Variants in RPL27A observed in about 807,000 individuals in gnomAD.
The protein encoded by RPL27A is ribosomal protein L27a.
For missense variants in RPL27A, 118 were observed against 189.4 expected (o/e 0.62, Z 2.21); for synonymous variants, 69 against 68.3 (o/e 1.01, Z -0.05).
rs2039608997 is a variant in RPL27A at position 8,688,677 on chromosome 11, A to C, written c.*2871A>C. 6.6e-6 allele frequency: 1 copy of C among 152,240 alleles called. No individual in the cohort carries two copies. Among genetic ancestry groups the C allele is most frequent in the Non-Finnish European group, 1.5e-5 (1 of 68,056 alleles). The allele number at this position is 152,240 out of a possible 1,614,324, so 9.4% of individuals were successfully genotyped here. ...TTCAAACGTGGGAGCTGCAGGTGCA[A>C]CTTGATTTTATGACAAATGGCTGCC... On this transcript the variant is annotated 3_prime_UTR_variant, in exon 5 of 5. Coordinates refer to ENST00000314138, the MANE Select transcript of RPL27A (RefSeq NM_000990.5).
chr11:8,682,963 C>T, intron 1 of RPL27A, 147 bp downstream of exon 1: 1 of 1,157,824 alleles, frequency 8.6e-7, no homozygotes, highest in Non-Finnish European at 1.2e-6. Flanking sequence ...CCGGCGCGGG[C>T]CCGGGGCGGG....
At chr11:8,685,342 C>A in intron 4 of RPL27A, 2 of 543,354 alleles carry the variant, frequency 3.7e-6, no homozygotes, top group South Asian at 1.4e-5. Context: ...CACTTCCCAG[C>A]CTATTTAATG....
rs2039523862 is a variant in RPL27A, at chr11:8,683,203, C to G, written c.5C>G (p.Pro2Arg). 1 of 1,614,230 alleles carries G rather than the reference C, an allele frequency of 6.2e-7. No homozygotes were observed. Among genetic ancestry groups the G allele is most frequent in the Non-Finnish European group, 8.5e-7 (1 of 1,180,020 alleles). ...TACCACCAAGCTTTTTCCACACAGC[C>G]ATCCAGACTGAGGAAGACCCGGAAA... MPSRLRKTRKLR... is the reference protein window; with the variant it reads MRSRLRKTRKLR... The change falls in exon 2 of 5, where the codon CCA (proline) becomes CGA (arginine). Residue 2 changes from proline to arginine, a missense_variant and splice_region_variant. Physicochemically the swap from Pro to Arg is moderately radical, Grantham distance 103. Coordinates refer to ENST00000314138, the MANE Select transcript of RPL27A (RefSeq NM_000990.5).
rs2039614998 is a variant in RPL27A, at chr11:8,689,118, T to G, written c.*3312T>G. 1 of 152,322 alleles carries G rather than the reference T, an allele frequency of 6.6e-6. No homozygotes were observed. The highest frequency in any genetic ancestry group is 6.5e-5 in the Admixed American group (1 of 15,296). 9.4% of individuals were successfully genotyped at this position (152,322 alleles called of 1,614,324 possible). ...GGTGCGCGAGCGCAGATAACTCCCCTGGAGAGGCGGGATGTTCAACTCCAC... is the reference window on the plus strand; with the variant it reads ...GGTGCGCGAGCGCAGATAACTCCCCGGGAGAGGCGGGATGTTCAACTCCAC... On this transcript the variant is annotated 3_prime_UTR_variant, in exon 5 of 5. Transcript: ENST00000314138.
chr11:8,684,144 G>T, intron 3 of RPL27A, 63 bp downstream of exon 3: 1 of 1,394,102 alleles, frequency 7.2e-7, no homozygotes. Context: ...GAGAGGGCTG[G>T]CTTAAACAAA....
chr11:8,685,370 G>A (rs2039576344), intron 4 of RPL27A: 1 of 580,846 alleles, frequency 1.7e-6, no homozygotes, highest in African/African-American at 1.8e-5. Flanking sequence ...AGTAGTTCTG[G>A]TGGTCAGGAA....
At chr11:8,684,169 G>T in intron 3 of RPL27A, 88 bp downstream of exon 3, 3 of 1,092,670 alleles carry the variant, frequency 2.7e-6, no homozygotes, top group Non-Finnish European at 4.2e-6. Context: ...TTAGAAGCAA[G>T]CCTTGCCTAT....
rs1454132402 is a variant in RPL27A, at chr11:8,688,322, G to A, written c.*2516G>A. The A allele has an allele frequency of 2.6e-5, 4 of 152,188 alleles. No homozygotes were observed. Among genetic ancestry groups the A allele is most frequent in the Non-Finnish European group, 4.4e-5 (3 of 68,034 alleles). The allele number at this position is 152,188 out of a possible 1,614,324, so 9.4% of individuals were successfully genotyped here. A position where few individuals can be genotyped will look rare whatever the true frequency, so the allele number is the denominator to read the frequency against. ...TTAATGGCTACCTTCTTCCCCAGGAGTTGTTAGGCCATCCGATCCCCTGGC... is the reference window on the plus strand; with the variant it reads ...TTAATGGCTACCTTCTTCCCCAGGAATTGTTAGGCCATCCGATCCCCTGGC... On this transcript the variant is annotated 3_prime_UTR_variant, in exon 5 of 5. Transcript: ENST00000314138.
rs750003937 is a variant in RPL27A, at chr11:8,683,304, T to A, written c.67+39T>A. 4 of 1,579,614 alleles carry A rather than the reference T, an allele frequency of 2.5e-6. No individual in the cohort carries two copies. The South Asian group carries it at 4.4e-5, about 17-fold the overall frequency. On this transcript the variant is annotated intron_variant, in intron 2 of 4. Transcript: ENST00000314138. Reference sequence around the variant, plus strand: ...TCCCCTCGGGGTGGGCCTTGGGCTCTCTTCGGGTGCTTAGCTAGTCTGGAG... The same window carrying A: ...TCCCCTCGGGGTGGGCCTTGGGCTCACTTCGGGTGCTTAGCTAGTCTGGAG...
rs1424498996 is a variant in RPL27A, at chr11:8,687,329, T to C, written c.*1523T>C. 2 of 148,752 alleles carry C rather than the reference T, an allele frequency of 1.3e-5. No individual in the cohort carries two copies. The highest frequency in any genetic ancestry group is 5.0e-5 in the African/African-American group (2 of 40,272). The allele number at this position is 148,752 out of a possible 1,614,324, so 9.2% of individuals were successfully genotyped here. A position where few individuals can be genotyped will look rare whatever the true frequency, so the allele number is the denominator to read the frequency against. On this transcript the variant is annotated 3_prime_UTR_variant, in exon 5 of 5. Coordinates refer to ENST00000314138, the MANE Select transcript of RPL27A (RefSeq NM_000990.5). Reference sequence around the variant, plus strand: ...CAGGAGAATCTCCAGGAGGCGGAGGTTGCTGTGAGCCGAGATCGTGCCATT... The same window carrying C: ...CAGGAGAATCTCCAGGAGGCGGAGGCTGCTGTGAGCCGAGATCGTGCCATT...
At position 8,682,792 on chromosome 11, in the gene RPL27A, C is replaced by T. The variant is rs201805042; in HGVS notation, c.-22C>T. 4.1e-4 allele frequency: 665 copies of T among 1,613,516 alleles called. No individual in the cohort carries two copies. The highest frequency in any genetic ancestry group is 6.6e-4 in the Middle Eastern group (4 of 6,056). ...CTCGCGAGACTTGGCGAAGGCCTTC[C>T]TTTTTCGTCTGGGCTGCCAACATGG... is the stretch of plus-strand genomic sequence containing the variant. On this transcript the variant is annotated 5_prime_UTR_variant, in exon 1 of 5. Transcript: ENST00000314138.
rs916390346 is a variant in RPL27A at position 8,688,529 on chromosome 11, G to T, written c.*2723G>T. The stretch of plus-strand genomic sequence containing the variant: ...ACTAAAATATTTTCATGACTGCCAA[G>T]CTTTGAATAGCCTGCTGTGTTCATG... On this transcript the variant is annotated 3_prime_UTR_variant, in exon 5 of 5. Coordinates refer to ENST00000314138, the MANE Select transcript of RPL27A (RefSeq NM_000990.5). 6.6e-6 allele frequency: 1 copy of T among 152,218 alleles called. No homozygotes were observed. Among genetic ancestry groups the T allele is most frequent in the African/African-American group, 2.4e-5 (1 of 41,444 alleles). The allele number at this position is 152,218 out of a possible 1,614,324, so 9.4% of individuals were successfully genotyped here.
Position 8,688,301 on chromosome 11 carries a change from T to C in RPL27A, c.*2495T>C, listed in dbSNP as rs1392505065. The C allele has an allele frequency of 6.6e-6, 1 of 152,198 alleles. No homozygotes were observed. Among genetic ancestry groups the C allele is most frequent in the African/African-American group, 2.4e-5 (1 of 41,440 alleles). The allele number at this position is 152,198 out of a possible 1,614,324, so 9.4% of individuals were successfully genotyped here. The stretch of plus-strand genomic sequence containing the variant: ...GGGGGAAGGATCCCTAGTCCCTTAA[T>C]GGCTACCTTCTTCCCCAGGAGTTGT... On this transcript the variant is annotated 3_prime_UTR_variant, in exon 5 of 5. Coordinates refer to ENST00000314138, the MANE Select transcript of RPL27A (RefSeq NM_000990.5).
rs1707677599 is a variant in RPL27A, at chr11:8,688,057, T to C, written c.*2251T>C. Reference sequence around the variant, plus strand: ...GGGAATACTGGTTCAGGAAACTGGTTTGGGAAGGTTAGGCAAACGGGAAGT... The same window carrying C: ...GGGAATACTGGTTCAGGAAACTGGTCTGGGAAGGTTAGGCAAACGGGAAGT... On this transcript the variant is annotated 3_prime_UTR_variant, in exon 5 of 5. Transcript: ENST00000314138. The C allele has an allele frequency of 6.6e-6, 1 of 152,170 alleles. No individual in the cohort carries two copies. The highest frequency in any genetic ancestry group is 2.1e-4 in the South Asian group (1 of 4,834). 9.4% of individuals were successfully genotyped at this position (152,170 alleles called of 1,614,324 possible).
Position 8,687,398 on chromosome 11 carries a change from C to A in RPL27A, c.*1592C>A, listed in dbSNP as rs556598151. ...CAAGAGTGAAACTCTGTCCACCCCC[C>A]CCAAAAAAAGTAAGGGCTCTCCATT... On this transcript the variant is annotated 3_prime_UTR_variant, in exon 5 of 5. Coordinates refer to ENST00000314138, the MANE Select transcript of RPL27A (RefSeq NM_000990.5). 1 of 140,224 alleles carries A rather than the reference C, an allele frequency of 7.1e-6. No individual in the cohort carries two copies. Among genetic ancestry groups the A allele is most frequent in the Non-Finnish European group, 1.6e-5 (1 of 62,058 alleles). 8.7% of individuals were successfully genotyped at this position (140,224 alleles called of 1,614,324 possible).
intron 1 of RPL27A, 126 bp downstream of exon 1, chr11:8,682,942 G>A: frequency 6.1e-6 from 8 of 1,312,864 alleles, no homozygotes; most frequent in Non-Finnish European, 8.4e-6. Context: ...GCCGCCTGCG[G>A]GGCAGGGTGG....
At chr11:8,683,173 G>C (rs766816527) in intron 1 of RPL27A, 29 bp from the exon 2 acceptor site, 2 of 1,612,060 alleles carry the variant, frequency 1.2e-6, no homozygotes, top group Non-Finnish European at 1.7e-6. Flanking sequence ...TAATTCCTTA[G>C]GCCTTACCAC....
Position 8,684,130 on chromosome 11 carries a change from CAG to C in RPL27A, c.143+56_143+57del, listed in dbSNP as rs753606756. 1.0e-5 allele frequency: 15 copies of C among 1,481,074 alleles called. No individual in the cohort carries two copies. The East Asian group carries it at 2.5e-4, about 25-fold the overall frequency. 91.7% of individuals were successfully genotyped at this position (1,481,074 alleles called of 1,614,324 possible). A position where few individuals can be genotyped will look rare whatever the true frequency, so the allele number is the denominator to read the frequency against. ...ATTGACACAGCTTGGGAGGTAGGGGCAGAGAGAGGGCTGGCTTAAACAAAAAG... is the reference window on the plus strand; with the variant it reads ...ATTGACACAGCTTGGGAGGTAGGGGCAGAGAGGGCTGGCTTAAACAAAAAG... On this transcript the variant is annotated intron_variant, in intron 3 of 4. Transcript: ENST00000314138.
chr11:8,683,282 C>A lies in RPL27A; in HGVS notation c.67+17C>A. The A allele has an allele frequency of 6.2e-7, 1 of 1,613,082 alleles. No individual in the cohort carries two copies. Among genetic ancestry groups the A allele is most frequent in the Non-Finnish European group, 8.5e-7 (1 of 1,178,984 alleles). ...GCCGCATAGGTAAGTGCCGGCTTCC[C>A]CTCGGGGTGGGCCTTGGGCTCTCTT... On this transcript the variant is annotated intron_variant, in intron 2 of 4. Transcript: ENST00000314138.
Sources: allele counts gnomAD v4.1 joint callset, GRCh38; gene constraint gnomAD v4.1.1; transcripts MANE v1.5; gene names NCBI Gene and HGNC (gene_info 2026-07-23, HGNC 2026-07-21).